KALRN: variants seen among roughly 807,000 people sequenced by gnomAD.
The protein encoded by KALRN is kalirin.
A neutral mutation model predicts 353.7 loss-of-function variants in KALRN; 70 were observed. That is an observed-to-expected ratio of 0.20 (90% CI 0.16 to 0.24). The LOEUF is 0.24. Ranked by LOEUF, KALRN falls within the 10% of genes least tolerant of loss-of-function variation. KALRN has a pLI of 1.00. For missense variants in KALRN, 2,791 were observed against 3,756.7 expected (o/e 0.74, Z 6.72); for synonymous variants, 1,391 against 1,434.8 (o/e 0.97, Z 0.69).
intron 1 of KALRN, among the ~76,000 whole-genome samples, chr3:124,130,608 A>T (rs1046025469): frequency 6.6e-6 from 1 of 152,176 alleles, no homozygotes; most frequent in Non-Finnish European, 1.5e-5. Flanking sequence ...CCATGAACCC[A>T]TAATTCTACA....
At chr3:124,528,106 C>T (rs542459284) in intron 33 of KALRN, among the ~76,000 whole-genome samples, 74 of 152,290 alleles carry the variant, frequency 4.9e-4, no homozygotes, top group Admixed American at 2.0e-3. Flanking sequence ...CCTCCTGATT[C>T]CCAGCAGACT....
chr3:124,713,025 A>G lies in KALRN; in HGVS notation c.8166A>G (p.Lys2722=). 1 of 1,614,196 alleles carries G rather than the reference A, an allele frequency of 6.2e-7. No homozygotes were observed. The highest frequency in any genetic ancestry group is 1.3e-5 in the African/African-American group (1 of 75,060). Residue 2722 remains lysine, a synonymous_variant, in exon 58 of 60, where the codon AAA becomes AAG. Coordinates refer to ENST00000682506, the MANE Select transcript of KALRN (RefSeq NM_001388419.1). The part of the protein sequence containing the change: ...VKFVSKKMKK[K]EQAAHEAALL... ...TTGTTAGCAAAAAAATGAAGAAGAA[A>G]GAACAGGCTGCCCACGAGGCTGCCC...
At position 124,169,163 on chromosome 3, in the gene KALRN, G is replaced by A. The variant is rs76736990; in HGVS notation, c.74-58827G>A. 4.1e-4 allele frequency among the ~76,000 whole-genome samples: 63 copies of A among 152,316 alleles called. 1 individual carries two copies. In the East Asian group the frequency reaches 0.011, roughly 28 times the overall value. ...AGGAATGAATGATGAACACATAGTGGTGGAAGGCTTTGCACATTGAGGCAC... is the reference window on the plus strand; with the variant it reads ...AGGAATGAATGATGAACACATAGTGATGGAAGGCTTTGCACATTGAGGCAC... On this transcript the variant is annotated intron_variant, in intron 1 of 59. Transcript: ENST00000682506.
At chr3:124,380,231 G>A (rs771159846) in intron 10 of KALRN, among the ~76,000 whole-genome samples, 29 of 152,232 alleles carry the variant, frequency 1.9e-4, no homozygotes, top group Non-Finnish European at 3.5e-4. Context: ...CTCAGCCCAG[G>A]GAATCTGAAA....
intron 57 of KALRN, among the ~76,000 whole-genome samples, chr3:124,705,172 T>C (rs2062541295): frequency 6.6e-6 from 1 of 152,212 alleles, no homozygotes; most frequent in Non-Finnish European, 1.5e-5. Flanking sequence ...TACCCATTGC[T>C]ATATAAAAAG....
rs2063403156 is a variant in KALRN at position 124,725,067 on chromosome 3, G to A, written c.*5597G>A. ...CAATTCTTGGAATGCCAACTCCTGAGGCTTAGTTTAACCAAGCTAATTTGT... is the reference window on the plus strand; with the variant it reads ...CAATTCTTGGAATGCCAACTCCTGAAGCTTAGTTTAACCAAGCTAATTTGT... On this transcript the variant is annotated 3_prime_UTR_variant, in exon 60 of 60. Coordinates refer to ENST00000682506, the MANE Select transcript of KALRN (RefSeq NM_001388419.1). 6.6e-6 allele frequency: 1 copy of A among 152,162 alleles called. No individual in the cohort carries two copies. Among genetic ancestry groups the A allele is most frequent in the Non-Finnish European group, 1.5e-5 (1 of 68,024 alleles). The allele number at this position is 152,162 out of a possible 1,614,324, so 9.4% of individuals were successfully genotyped here. A position where few individuals can be genotyped will look rare whatever the true frequency, so the allele number is the denominator to read the frequency against.
intron 55 of KALRN, among the ~76,000 whole-genome samples, chr3:124,699,023 C>G (rs2062193795): frequency 6.6e-6 from 1 of 152,196 alleles, no homozygotes; most frequent in African/African-American, 2.4e-5. Context: ...GCTTGCTACC[C>G]TATCCCCCGA....
At chr3:124,246,948 G>C (rs1405556990) in intron 3 of KALRN, among the ~76,000 whole-genome samples, 1 of 152,106 alleles carries the variant, frequency 6.6e-6, no homozygotes, top group East Asian at 1.9e-4. Flanking sequence ...TTCAGTTATG[G>C]GGATCCAGAT....
intron 1 of KALRN, among the ~76,000 whole-genome samples, chr3:124,068,539 C>T (rs1272022433): frequency 6.6e-6 from 1 of 152,126 alleles, no homozygotes; most frequent in Non-Finnish European, 1.5e-5. Flanking sequence ...CCTCTGTTTC[C>T]ACCTGACATA....
rs183249436 is a variant in KALRN at position 124,372,557 on chromosome 3, A to G, written c.1771-12288A>G. 9.2e-5 allele frequency among the ~76,000 whole-genome samples: 14 copies of G among 151,978 alleles called. No individual in the cohort carries two copies. The East Asian group carries it at 2.7e-3, about 29-fold the overall frequency. On this transcript the variant is annotated intron_variant, in intron 10 of 59. Transcript: ENST00000682506. ...TTTTTGGTAATAAAATTAGAACCAT[A>G]CTTTGGTTTATTCTGACTTCTTCAT...
chr3:124,069,342 AGGAGGAGGAGGAGGAGGAGGAGG>A (rs2042651998), intron 1 of KALRN, among the ~76,000 whole-genome samples: 19 of 128,366 alleles, frequency 1.5e-4, no homozygotes, highest in East Asian at 4.7e-4. Context: ...GAGGAGGAGG[AGGAGGAGGAGGAGGAGGAGGAGG>A]AGGAGGAAAT....
chr3:124,605,313 G>A (rs1578286851), intron 34 of KALRN, among the ~76,000 whole-genome samples: 2 of 151,230 alleles, frequency 1.3e-5, no homozygotes, highest in South Asian at 2.1e-4. Flanking sequence ...GCTCATGCCT[G>A]TAATCCCAGC....
Position 124,659,249 on chromosome 3 carries a change from A to G in KALRN, c.6124-116A>G, listed in dbSNP as rs149972215. 1.6e-5 allele frequency: 12 copies of G among 754,958 alleles called. No homozygotes were observed. The African/African-American group carries it at 1.7e-4, about 11-fold the overall frequency. The allele number at this position is 754,958 out of a possible 1,614,324, so 46.8% of individuals were successfully genotyped here. A position where few individuals can be genotyped will look rare whatever the true frequency, so the allele number is the denominator to read the frequency against. On this transcript the variant is annotated intron_variant, in intron 42 of 59. Coordinates refer to ENST00000682506, the MANE Select transcript of KALRN (RefSeq NM_001388419.1). ...ATTTTACCTCTCACATTACTTAAAG[A>G]TTCTTCAACTTCATTGGAAAACATG...
At chr3:124,102,328 T>C (rs1462931515) in intron 1 of KALRN, among the ~76,000 whole-genome samples, 3 of 152,166 alleles carry the variant, frequency 2.0e-5, no homozygotes, top group African/African-American at 4.8e-5. Flanking sequence ...GCAACCTTCA[T>C]ATTTTCTTGT....
intron 34 of KALRN, among the ~76,000 whole-genome samples, chr3:124,578,919 G>C (rs1002781059): frequency 1.3e-5 from 2 of 152,146 alleles, no homozygotes; most frequent in Non-Finnish European, 2.9e-5. Context: ...CATGATCACG[G>C]CTCACCAAGC....
intron 1 of KALRN, among the ~76,000 whole-genome samples, chr3:124,167,180 G>A (rs2071005203): frequency 6.6e-6 from 1 of 152,154 alleles, no homozygotes; most frequent in Admixed American, 6.5e-5. Flanking sequence ...GAGCGACTGG[G>A]CCCAGGGCTC....
intron 33 of KALRN, among the ~76,000 whole-genome samples, chr3:124,529,911 C>T (rs1430177898): frequency 1.3e-5 from 2 of 152,116 alleles, no homozygotes; most frequent in Non-Finnish European, 2.9e-5. Context: ...TGAAAAATGT[C>T]CCTCATTTGG....
In KALRN at chr3:124,142,242, C is replaced by T. The variant is rs114292890; in HGVS notation, c.74-85748C>T. On this transcript the variant is annotated intron_variant, in intron 1 of 59. Transcript: ENST00000682506. The stretch of plus-strand genomic sequence containing the variant: ...ATGCCTGAGGTCCAGAGATGTGGAG[C>T]GACTTGCCACAGGCTTCCCCAAGCA... Among the ~76,000 whole-genome samples the T allele has an allele frequency of 9.4e-3, 1,424 of 152,278 alleles. 15 individuals are homozygous for T. Among genetic ancestry groups the T allele is most frequent in the South Asian group, 0.046 (221 of 4,814 alleles).
chr3:124,403,468 C>G (rs1006850104), intron 13 of KALRN, among the ~76,000 whole-genome samples: 3 of 152,128 alleles, frequency 2.0e-5, no homozygotes, highest in Non-Finnish European at 4.4e-5. Context: ...TTTTAAATCT[C>G]TAACTGTGTA....
Sources: allele counts gnomAD v4.1 joint callset (sites outside exome capture counted in the v4.1 genomes callset), GRCh38; gene constraint gnomAD v4.1.1; transcripts MANE v1.5; gene names NCBI Gene and HGNC (gene_info 2026-07-23, HGNC 2026-07-21).